Variants in TPRG1 observed in about 807,000 individuals in gnomAD.
The protein encoded by TPRG1 is tumor protein p63 regulated 1.
In TPRG1, 29 loss-of-function variants were observed where a neutral mutation model predicts 29.3. The ratio of observed to expected loss-of-function variants is 0.99; its 90% confidence interval spans 0.74 to 1.35. TPRG1 has a LOEUF of 1.35. Ranked by LOEUF, TPRG1 falls within the 40% of genes most tolerant of loss-of-function variation. TPRG1 has a pLI of 0.00. For synonymous variants in TPRG1, 130 were observed against 116.8 expected (o/e 1.11, Z -0.73); for missense variants, 327 against 335.0 (o/e 0.98, Z 0.19).
Position 189,238,805 on chromosome 3 carries a change from C to T in TPRG1, c.375C>T (p.Tyr125=), listed in dbSNP as rs140811282. 45 of 1,613,772 alleles carry T rather than the reference C, an allele frequency of 2.8e-5. 2 individuals are homozygous for T. The highest frequency in any genetic ancestry group is 2.4e-4 in the South Asian group (22 of 91,076). Residue 125 remains tyrosine (Y), a synonymous_variant, in exon 4 of 6, where the codon TAC becomes TAT. Transcript: ENST00000345063. ...ACAAGACTCTCTTGATCTGCAAATA[C>T]GACTTCATCATGCTGAGTTGTGTGC... The part of the protein sequence containing the change: ...VTDKTLLICK[Y]DFIMLSCVQL...
At chr3:189,272,210 T>C (rs773102012) in intron 4 of TPRG1, among the ~76,000 whole-genome samples, 2 of 152,332 alleles carry the variant, frequency 1.3e-5, no homozygotes, top group Non-Finnish European at 2.9e-5. Context: ...CAAGCATCTA[T>C]TATTATATTT....
intron 1 of TPRG1, among the ~76,000 whole-genome samples, chr3:189,118,694 G>A (rs986347891): frequency 1.3e-5 from 2 of 152,222 alleles, no homozygotes; most frequent in East Asian, 3.9e-4. Context: ...TTCAGCGAGT[G>A]CAAACCCCAA....
chr3:189,018,905 C>A (rs1713116546), intron 3 of TPRG1, among the ~76,000 whole-genome samples: 1 of 150,826 alleles, frequency 6.6e-6, no homozygotes. Flanking sequence ...CTTTTATTTC[C>A]TTGAGCAGTG....
chr3:189,320,678 A>C lies in TPRG1; in HGVS notation c.686A>C (p.Asn229Thr), dbSNP rs1250645340. 6.2e-7 allele frequency: 1 copy of C among 1,612,576 alleles called. No homozygotes were observed. Among genetic ancestry groups the C allele is most frequent in the South Asian group, 1.1e-5 (1 of 90,916 alleles). Residue 229 changes from asparagine to threonine, a missense_variant, in exon 6 of 6, where the codon AAT becomes ACT. Physicochemically the swap from Asn to Thr is moderately conservative, Grantham distance 65. Coordinates refer to ENST00000345063, the MANE Select transcript of TPRG1 (RefSeq NM_198485.4). ...LVPAIQNAHK[N>T]STGSGRGKKL... is the part of the protein sequence containing the mutation. Reference sequence around the variant, plus strand: ...CCAGCTATCCAGAATGCCCACAAGAATTCAACTGGATCTGGAAGAGGAAAG... The same window carrying C: ...CCAGCTATCCAGAATGCCCACAAGACTTCAACTGGATCTGGAAGAGGAAAG...
intron 4 of TPRG1, among the ~76,000 whole-genome samples, chr3:189,043,537 T>A (rs555542907): frequency 3.0e-4 from 45 of 152,338 alleles, no homozygotes; most frequent in African/African-American, 1.0e-3. Flanking sequence ...TCACCCCTGA[T>A]GGAAGAACAA....
exon 3 of TPRG1, chr3:189,004,568 G>A (rs1352112975): frequency 1.3e-5 from 2 of 152,178 alleles, no homozygotes; most frequent in Admixed American, 1.3e-4. Flanking sequence ...TGAATGTAGA[G>A]GACTCTGAAG....
Position 189,056,188 on chromosome 3 carries a change from C to T in TPRG1, c.-463+32242C>T, listed in dbSNP as rs374484688. 1.8e-4 allele frequency among the ~76,000 whole-genome samples: 28 copies of T among 152,084 alleles called. 1 individual carries two copies. Among genetic ancestry groups the T allele is most frequent in the African/African-American group, 5.8e-4 (24 of 41,502 alleles). ...TTGGGTCACCGCAACCTCTGCCTCC[C>T]GGGTCCAAGCGAGTCTCATGCCTCA... On this transcript the variant is annotated intron_variant, in intron 4 of 10. Coordinates refer to the TPRG1 transcript ENST00000433971.
At chr3:189,098,499 G>A (rs114087055), upstream of TPRG1, among the ~76,000 whole-genome samples, 945 of 152,186 alleles carry the variant, frequency 6.2e-3, 6 homozygotes, top group African/African-American at 0.021. Context: ...AGGGTACTGG[G>A]GGCAGACAAG....
At chr3:189,156,385 G>A (rs1001664418) in intron 5 of TPRG1, among the ~76,000 whole-genome samples, 1 of 152,042 alleles carries the variant, frequency 6.6e-6, no homozygotes, top group African/African-American at 2.4e-5. Flanking sequence ...GTTGTGTTAA[G>A]CCCCTGTGTT....
At chr3:189,320,069 C>T (rs1724130492) in intron 5 of TPRG1, among the ~76,000 whole-genome samples, 1 of 152,062 alleles carries the variant, frequency 6.6e-6, no homozygotes, top group East Asian at 1.9e-4. Flanking sequence ...ATTCTATTTT[C>T]CTTCTAGAAT....
chr3:189,240,845 A>G (rs1740456677), intron 4 of TPRG1, among the ~76,000 whole-genome samples: 1 of 152,176 alleles, frequency 6.6e-6, no homozygotes, highest in South Asian at 2.1e-4. Context: ...ATATTATTTT[A>G]CCTAATGAAA....
chr3:189,022,496 A>T (rs1363183290), intron 3 of TPRG1, among the ~76,000 whole-genome samples: 1 of 151,292 alleles, frequency 6.6e-6, no homozygotes, highest in Non-Finnish European at 1.5e-5. Context: ...CTGCAGTGTG[A>T]GGTGTCAGTG....
At chr3:189,151,368 A>G (rs1725911122) in intron 5 of TPRG1, among the ~76,000 whole-genome samples, 1 of 152,208 alleles carries the variant, frequency 6.6e-6, no homozygotes, top group African/African-American at 2.4e-5. Flanking sequence ...TTCTTACTTC[A>G]TAATCTAAGT....
intron 4 of TPRG1, among the ~76,000 whole-genome samples, chr3:189,094,262 A>G (rs1335114417): frequency 6.6e-6 from 1 of 152,176 alleles, no homozygotes; most frequent in Non-Finnish European, 1.5e-5. Flanking sequence ...AGCCTGAGTA[A>G]GTGGAGTACT....
chr3:189,149,607 A>G, intron 4 of TPRG1, among the ~76,000 whole-genome samples: 1 of 152,186 alleles, frequency 6.6e-6, no homozygotes, highest in East Asian at 1.9e-4. Context: ...CTTCAGAACA[A>G]CACTTCTAGA....
intron 3 of TPRG1, among the ~76,000 whole-genome samples, chr3:189,236,759 T>A (rs189492448): frequency 6.6e-6 from 1 of 152,308 alleles, no homozygotes; most frequent in African/African-American, 2.4e-5. Flanking sequence ...CTTTTCTTCC[T>A]TTTTCTGCTT....
At chr3:189,281,660 T>A (rs930288129) in intron 4 of TPRG1, among the ~76,000 whole-genome samples, 2 of 152,128 alleles carry the variant, frequency 1.3e-5, no homozygotes, top group Non-Finnish European at 2.9e-5. Context: ...TTTTCATCTT[T>A]CTTAATGTAT....
chr3:189,068,253 T>C (rs7652344), intron 4 of TPRG1, among the ~76,000 whole-genome samples: 5,527 of 152,230 alleles, frequency 0.036, 326 homozygotes, highest in African/African-American at 0.13. Context: ...AACAGTATGG[T>C]GGTTCCTCAG....
At chr3:189,062,326 A>G (rs1236928626) in intron 4 of TPRG1, among the ~76,000 whole-genome samples, 6 of 152,290 alleles carry the variant, frequency 3.9e-5, no homozygotes, top group East Asian at 1.9e-4. Context: ...AGAGAAAATA[A>G]CTATTGGATA....
Sources: allele counts gnomAD v4.1 joint callset (sites outside exome capture counted in the v4.1 genomes callset), GRCh38; gene constraint gnomAD v4.1.1; transcripts MANE v1.5; gene names NCBI Gene and HGNC (gene_info 2026-07-23, HGNC 2026-07-21).